Variants in PROX1 observed in about 807,000 individuals in gnomAD.
PROX1 encodes the protein prospero homeobox protein 1.
Under a neutral mutation model 58.8 loss-of-function variants are expected in PROX1, and 7 were observed. The ratio of observed to expected loss-of-function variants is 0.12; its 90% CI spans 0.07 to 0.22. The LOEUF (loss-of-function observed/expected upper bound fraction) is 0.22, where lower values mean the gene tolerates loss of function less well. Ranked by LOEUF, PROX1 falls within the 10% of genes least tolerant of loss-of-function variation. The pLI is 1.00. For missense variants in PROX1, 675 were observed against 927.8 expected (o/e 0.73, Z 3.54); for synonymous variants, 350 against 358.3 (o/e 0.98, Z 0.26).
chr1:214,018,418 A>G (rs1473073204), intron 4 of PROX1, among the ~76,000 whole-genome samples: 2 of 152,218 alleles, frequency 1.3e-5, no homozygotes, highest in African/African-American at 4.8e-5. Flanking sequence ...CCTTCAGCCA[A>G]TCTTCAATTC....
chr1:214,034,948 G>GTAT (rs142649945), intron 4 of PROX1, among the ~76,000 whole-genome samples: 1 of 151,734 alleles, frequency 6.6e-6, no homozygotes, highest in Non-Finnish European at 1.5e-5. Context: ...AAGTTAGTTT[G>GTAT]TATTATTATT....
At chr1:214,003,116 A>C (rs1310590555) in intron 2 of PROX1, among the ~76,000 whole-genome samples, 1 of 152,228 alleles carries the variant, frequency 6.6e-6, no homozygotes, top group East Asian at 1.9e-4. Flanking sequence ...TTTAGATAAA[A>C]AGAACAAAAA....
chr1:214,025,504 C>T (rs1038760909), intron 4 of PROX1, among the ~76,000 whole-genome samples: 1 of 152,146 alleles, frequency 6.6e-6, no homozygotes, highest in African/African-American at 2.4e-5. Context: ...AGGAGAATAT[C>T]CAACCTAGAC....
At position 214,038,670 on chromosome 1, in the gene PROX1, AAT is replaced by A. The variant is rs1435799733; in HGVS notation, c.*2838_*2839del. The A allele has an allele frequency of 6.6e-6, 1 of 152,144 alleles. No homozygotes were observed. The highest frequency in any genetic ancestry group is 1.9e-4 in the East Asian group (1 of 5,192). 9.4% of individuals were successfully genotyped at this position (152,144 alleles called of 1,614,324 possible). On this transcript the variant is annotated 3_prime_UTR_variant, in exon 5 of 5. Coordinates refer to ENST00000366958, the MANE Select transcript of PROX1 (RefSeq NM_001270616.2). ...GGGGGGATTTTAAAAAATCCTTCAA[AAT>A]ACCAGTTTTTTCCCAACAAGTACAA...
chr1:214,027,121 C>T (rs1664483977), intron 4 of PROX1, among the ~76,000 whole-genome samples: 1 of 152,120 alleles, frequency 6.6e-6, no homozygotes, highest in South Asian at 2.1e-4. Flanking sequence ...ATTATCCCTG[C>T]AACTCTTTCC....
At chr1:213,987,638 A>G (rs1182460527), upstream of PROX1, 11 of 140,922 alleles carry the variant, frequency 7.8e-5, no homozygotes, top group Non-Finnish European at 1.4e-4. Context: ...CCCGCTTTGC[A>G]TAGTGCCCGC....
intron 2 of PROX1, among the ~76,000 whole-genome samples, 185 bp from the exon 3 acceptor site, chr1:214,004,980 G>GC (rs1663654564): frequency 6.6e-6 from 1 of 152,206 alleles, no homozygotes; most frequent in Admixed American, 6.5e-5. Context: ...ACCTCTGACA[G>GC]GCGACGGTCA....
chr1:214,031,433 A>C (rs1664654310), intron 4 of PROX1, among the ~76,000 whole-genome samples: 1 of 152,104 alleles, frequency 6.6e-6, no homozygotes, highest in Non-Finnish European at 1.5e-5. Flanking sequence ...AGACTTTGGA[A>C]GCCTTTTGTT....
At chr1:213,990,913 C>T (rs1036615618) in intron 1 of PROX1, among the ~76,000 whole-genome samples, 42 of 152,134 alleles carry the variant, frequency 2.8e-4, no homozygotes, top group Non-Finnish European at 2.5e-4. Context: ...TTGTCCCAGA[C>T]ATGTGCCAAA....
chr1:214,014,647 C>T (rs1364829606), intron 4 of PROX1, among the ~76,000 whole-genome samples: 1 of 152,156 alleles, frequency 6.6e-6, no homozygotes, highest in Non-Finnish European at 1.5e-5. Flanking sequence ...AATATAATAA[C>T]AAGAAAAACT....
intron 1 of PROX1, among the ~76,000 whole-genome samples, chr1:213,993,591 G>A (rs922530930): frequency 6.6e-6 from 1 of 152,128 alleles, no homozygotes; most frequent in Non-Finnish European, 1.5e-5. Flanking sequence ...TTTATGAAAT[G>A]TGATGCTAAT....
intron 1 of PROX1, among the ~76,000 whole-genome samples, chr1:213,995,632 T>C (rs760244401): frequency 6.6e-6 from 1 of 152,184 alleles, no homozygotes; most frequent in Non-Finnish European, 1.5e-5. Context: ...ATTCCTCATA[T>C]TGATTTCTAA....
At chr1:213,990,435 TG>T (rs1437443327) in intron 1 of PROX1, among the ~76,000 whole-genome samples, 25 of 92,604 alleles carry the variant, frequency 2.7e-4, no homozygotes, top group African/African-American at 4.9e-4. Context: ...GTTCTTGGGG[TG>T]GGGGGTGGGG....
intron 4 of PROX1, 46 bp from the exon 5 acceptor site, chr1:214,035,603 T>C (rs1664802413): frequency 6.4e-7 from 1 of 1,558,744 alleles, no homozygotes; most frequent in Non-Finnish European, 8.7e-7. Context: ...ACTGTAGACT[T>C]GAAACTGAAA....
At chr1:214,004,948 A>G (rs1167567872) in intron 2 of PROX1, among the ~76,000 whole-genome samples, 1 of 152,210 alleles carries the variant, frequency 6.6e-6, no homozygotes, top group Non-Finnish European at 1.5e-5. Context: ...TCAATTGTGC[A>G]TCCTCACCAT....
At chr1:214,025,815 C>G (rs897162919) in intron 4 of PROX1, among the ~76,000 whole-genome samples, 16 of 152,154 alleles carry the variant, frequency 1.1e-4, no homozygotes, top group African/African-American at 3.6e-4. Flanking sequence ...GCGCCAGCCA[C>G]CACGCCCGGC....
chr1:214,016,095 A>G (rs1344556124), intron 4 of PROX1, among the ~76,000 whole-genome samples: 1 of 151,994 alleles, frequency 6.6e-6, no homozygotes. Context: ...TGGGTTTGAC[A>G]TTTTTCTGGG....
At chr1:214,026,805 G>T (rs1190945467) in intron 4 of PROX1, among the ~76,000 whole-genome samples, 1 of 152,120 alleles carries the variant, frequency 6.6e-6, no homozygotes, top group Non-Finnish European at 1.5e-5. Context: ...GCCGGTAGCA[G>T]CCCCCCAGAT....
At position 213,996,707 on chromosome 1, in the gene PROX1, G is replaced by A. The variant is rs781148284; in HGVS notation, c.172G>A (p.Val58Met). 6.2e-7 allele frequency: 1 copy of A among 1,614,238 alleles called. No individual in the cohort carries two copies. Among genetic ancestry groups the A allele is most frequent in the Admixed American group, 1.7e-5 (1 of 60,030 alleles). The change falls in exon 2 of 5, where the codon GTG becomes ATG. Residue 58 changes from valine to methionine, a missense_variant. By Grantham distance (21) the Val-to-Met change is conservative. Transcript: ENST00000366958. ...QGSEQDVEYS[V>M]VQHADGEKSN... is the part of the protein sequence containing the mutation. ...TTCTGAGCAGGATGTTGAGTATTCA[G>A]TGGTGCAGCATGCAGATGGGGAAAA...
Sources: allele counts gnomAD v4.1 joint callset (sites outside exome capture counted in the v4.1 genomes callset), GRCh38; gene constraint gnomAD v4.1.1; transcripts MANE v1.5; gene names NCBI Gene and HGNC (gene_info 2026-07-23, HGNC 2026-07-21).